Variants in CCDC7 observed in about 807,000 individuals in gnomAD.
CCDC7 encodes the protein coiled-coil domain containing 7.
A neutral mutation model predicts 196.9 loss-of-function variants in CCDC7; 183 were observed. That is an observed-to-expected ratio of 0.93 (90% CI 0.82 to 1.05). CCDC7 has a LOEUF of 1.05. CCDC7 is among the 50% of genes least tolerant of loss of function. The probability of loss-of-function intolerance (pLI) is 0.00; values close to 1 mark genes in which losing one functional copy is unlikely to be tolerated. For missense variants in CCDC7, 1,540 were observed against 1,482.2 expected (o/e 1.04, Z -0.64); for synonymous variants, 525 against 484.6 (o/e 1.08, Z -1.10).
chr10:32,875,117 T>C (rs2094561253), intron 41 of CCDC7, among the ~76,000 whole-genome samples: 1 of 152,006 alleles, frequency 6.6e-6, no homozygotes, highest in Non-Finnish European at 1.5e-5. Context: ...TTTGGCTTTA[T>C]TTTTGGGTTC....
intron 28 of CCDC7, among the ~76,000 whole-genome samples, chr10:32,764,249 A>C (rs1336268690): frequency 6.6e-6 from 1 of 151,460 alleles, no homozygotes. Context: ...ATTAGACACA[A>C]GTCCCACCAG....
At chr10:32,733,548 G>A (rs539961045) in intron 28 of CCDC7, among the ~76,000 whole-genome samples, 29 of 152,118 alleles carry the variant, frequency 1.9e-4, no homozygotes, top group Non-Finnish European at 1.3e-4. Flanking sequence ...ATTAGAGTAA[G>A]CTGAAGAATT....
intron 7 of CCDC7, among the ~76,000 whole-genome samples, chr10:32,473,156 A>C (rs1386337545): frequency 6.6e-6 from 1 of 152,206 alleles, no homozygotes; most frequent in Non-Finnish European, 1.5e-5. Flanking sequence ...ATTATCTAGC[A>C]TGTTAGTACA....
At chr10:32,749,341 A>C (rs904715004) in intron 28 of CCDC7, among the ~76,000 whole-genome samples, 21 of 152,216 alleles carry the variant, frequency 1.4e-4, no homozygotes, top group African/African-American at 5.1e-4. Flanking sequence ...TTATCTCTTC[A>C]TTGCTCTCTT....
At position 32,460,483 on chromosome 10, in the gene CCDC7, G is replaced by A. The variant is rs1028365461; in HGVS notation, c.457-2200G>A. On this transcript the variant is annotated intron_variant, in intron 3 of 41. Transcript: ENST00000639629. ...TGGTTTAAATTATTGTAGAACTATGGCTACAATGAGTGGTTGAATTGATAT... is the reference window on the plus strand; with the variant it reads ...TGGTTTAAATTATTGTAGAACTATGACTACAATGAGTGGTTGAATTGATAT... 4.6e-5 allele frequency among the ~76,000 whole-genome samples: 7 copies of A among 152,138 alleles called. 1 individual carries two copies. The highest frequency in any genetic ancestry group is 3.9e-4 in the Admixed American group (6 of 15,270).
intron 8 of CCDC7, among the ~76,000 whole-genome samples, chr10:32,475,447 G>A (rs1164837474): frequency 6.6e-6 from 1 of 152,144 alleles, no homozygotes; most frequent in Non-Finnish European, 1.5e-5. Context: ...ATGGATGAAA[G>A]CAGAAATCCC....
chr10:32,632,765 T>C (rs2065050378), intron 18 of CCDC7, among the ~76,000 whole-genome samples: 1 of 152,186 alleles, frequency 6.6e-6, no homozygotes, highest in South Asian at 2.1e-4. Flanking sequence ...CCTCCTGTTA[T>C]TGATTTCTAA....
chr10:32,570,584 C>G (rs895293863), intron 15 of CCDC7, among the ~76,000 whole-genome samples: 1 of 152,070 alleles, frequency 6.6e-6, no homozygotes, highest in Non-Finnish European at 1.5e-5. Context: ...TTAAGGTATC[C>G]CAGCATATGG....
At chr10:32,785,646 G>A (rs2081743237) in intron 29 of CCDC7, among the ~76,000 whole-genome samples, 1 of 151,924 alleles carries the variant, frequency 6.6e-6, no homozygotes, top group Non-Finnish European at 1.5e-5. Flanking sequence ...AATAATATCA[G>A]TGGAATAAAA....
In CCDC7 at chr10:32,728,962, AG is replaced by A; in HGVS notation, c.2745del (p.Lys916AsnfsTer3). On this transcript the variant is annotated frameshift_variant, in exon 27 of 42. Transcript: ENST00000639629. LOFTEE classifies it high-confidence loss of function. ...AAGTCAAAACTCCAAATGCAAGAAA[AG>A]AAACAAATAAATTCTGGAGTGGAAA... The A allele has an allele frequency of 6.2e-7, 1 of 1,606,290 alleles. No individual in the cohort carries two copies. Among genetic ancestry groups the A allele is most frequent in the Non-Finnish European group, 8.5e-7 (1 of 1,174,334 alleles).
At chr10:32,674,388 AT>A (rs1474764549) in intron 21 of CCDC7, among the ~76,000 whole-genome samples, 2 of 151,464 alleles carry the variant, frequency 1.3e-5, no homozygotes, top group Admixed American at 1.3e-4. Flanking sequence ...TGTATTTGTG[AT>A]TTTTTTCCAT....
chr10:32,633,665 TATTG>T (rs1388851070), intron 18 of CCDC7, among the ~76,000 whole-genome samples: 3 of 149,920 alleles, frequency 2.0e-5, no homozygotes, highest in African/African-American at 7.3e-5. Flanking sequence ...TTTCTAATTC[TATTG>T]ATTTAGCTTT....
intron 28 of CCDC7, among the ~76,000 whole-genome samples, chr10:32,755,296 C>A (rs2076248717): frequency 6.6e-6 from 1 of 152,176 alleles, no homozygotes; most frequent in Admixed American, 6.5e-5. Context: ...AGTTTGAGAT[C>A]TGAGAATGGA....
chr10:32,532,958 C>T (rs2049908326), intron 11 of CCDC7, among the ~76,000 whole-genome samples: 1 of 151,948 alleles, frequency 6.6e-6, no homozygotes, highest in Admixed American at 6.6e-5. Flanking sequence ...CATTTACACT[C>T]AGTGTTATTG....
intron 31 of CCDC7, among the ~76,000 whole-genome samples, chr10:32,815,183 A>T (rs1008586997): frequency 1.3e-5 from 2 of 152,204 alleles, no homozygotes; most frequent in Non-Finnish European, 2.9e-5. Flanking sequence ...TAGCAAAAAA[A>T]TTTAGGACAT....
rs545500353 is a variant in CCDC7 at position 32,691,059 on chromosome 10, C to G, written c.2344+1896C>G. Among the ~76,000 whole-genome samples, 10 of 152,314 alleles carry G rather than the reference C, an allele frequency of 6.6e-5. No individual in the cohort carries two copies. The East Asian group carries it at 1.9e-3, about 29-fold the overall frequency. ...TGGCCCTAGAAATGCAATTTCTTCC[C>G]ACCTTCCCTTTAAATTCTGACCTTA... is the stretch of plus-strand genomic sequence containing the variant. On this transcript the variant is annotated intron_variant, in intron 23 of 41. Coordinates refer to ENST00000639629, the Ensembl canonical transcript of CCDC7.
intron 28 of CCDC7, among the ~76,000 whole-genome samples, chr10:32,763,194 A>G (rs1479546149): frequency 6.6e-6 from 1 of 152,012 alleles, no homozygotes; most frequent in Non-Finnish European, 1.5e-5. Context: ...TCTGACAAAA[A>G]TGGGCAAAGA....
At chr10:32,827,679 G>A (rs984555032) in intron 32 of CCDC7, among the ~76,000 whole-genome samples, 8 of 152,168 alleles carry the variant, frequency 5.3e-5, no homozygotes, top group African/African-American at 1.9e-4. Context: ...AGCGTTGGGA[G>A]AAATACCTAA....
intron 13 of CCDC7, among the ~76,000 whole-genome samples, chr10:32,554,889 C>T (rs1326627815): frequency 1.3e-5 from 2 of 152,214 alleles, no homozygotes; most frequent in East Asian, 3.8e-4. Context: ...TGATAACCAT[C>T]ATTCTGCGCT....
Sources: allele counts gnomAD v4.1 joint callset (sites outside exome capture counted in the v4.1 genomes callset), GRCh38; gene constraint gnomAD v4.1.1; transcripts MANE v1.5; gene names NCBI Gene and HGNC (gene_info 2026-07-23, HGNC 2026-07-21).